Variants in LMCD1 observed in about 807,000 individuals in gnomAD.
The protein encoded by LMCD1 is LIM and cysteine rich domains 1, also known as LIM and cysteine-rich domains protein 1.
Under a neutral mutation model 42.7 loss-of-function variants are expected in LMCD1, and 32 were observed. The observed-to-expected ratio is 0.75, with a 90% CI of 0.57 to 1.01. LMCD1 has a LOEUF of 1.01. Ranked by LOEUF, LMCD1 falls within the 50% of genes least tolerant of loss-of-function variation. The probability of loss-of-function intolerance (pLI) is 0.00; values close to 1 mark genes in which losing one functional copy is unlikely to be tolerated. For missense variants in LMCD1, 458 were observed against 483.1 expected (o/e 0.95, Z 0.49); for synonymous variants, 178 against 184.9 (o/e 0.96, Z 0.30).
intron 1 of LMCD1, among the ~76,000 whole-genome samples, chr3:8,525,876 C>T (rs1694290484): frequency 6.6e-6 from 1 of 152,146 alleles, no homozygotes. Flanking sequence ...GCAAAATTTG[C>T]CTGGAATGCA....
In LMCD1 at chr3:8,568,906, T is replaced by A. The variant is rs1695171748; in HGVS notation, c.*1308T>A. 6.6e-6 allele frequency: 1 copy of A among 152,222 alleles called. No individual in the cohort carries two copies. Among genetic ancestry groups the A allele is most frequent in the African/African-American group, 2.4e-5 (1 of 41,458 alleles). 9.4% of individuals were successfully genotyped at this position (152,222 alleles called of 1,614,324 possible). On this transcript the variant is annotated 3_prime_UTR_variant, in exon 6 of 6. Coordinates refer to ENST00000157600, the MANE Select transcript of LMCD1 (RefSeq NM_014583.4). ...TTTCTTTAACCTCACCATCCAAATT[T>A]CACTCTGACCATCTCGTACCTAGAA...
chr3:8,531,017 G>A (rs185832041), intron 1 of LMCD1, among the ~76,000 whole-genome samples: 2 of 152,324 alleles, frequency 1.3e-5, no homozygotes, highest in Non-Finnish European at 2.9e-5. Flanking sequence ...GGTGTACACA[G>A]CAGTCACCAA....
At chr3:8,527,861 C>T (rs999753322) in intron 1 of LMCD1, among the ~76,000 whole-genome samples, 1 of 151,974 alleles carries the variant, frequency 6.6e-6, no homozygotes. Context: ...TGAGGGAACC[C>T]GTATGATATT....
intron 4 of LMCD1, among the ~76,000 whole-genome samples, chr3:8,562,295 G>A (rs1252310069): frequency 6.6e-6 from 1 of 152,218 alleles, no homozygotes; most frequent in Non-Finnish European, 1.5e-5. Flanking sequence ...GAGAGGCCCT[G>A]TAGGGAAGCT....
At position 8,571,166 on chromosome 3, in the gene LMCD1, G is replaced by C. The variant is rs996804893; in HGVS notation, c.*3568G>C. 6.6e-6 allele frequency: 1 copy of C among 152,060 alleles called. No individual in the cohort carries two copies. Among genetic ancestry groups the C allele is most frequent in the African/African-American group, 2.4e-5 (1 of 41,404 alleles). The allele number at this position is 152,060 out of a possible 1,614,324, so 9.4% of individuals were successfully genotyped here. On this transcript the variant is annotated 3_prime_UTR_variant, in exon 6 of 6. Transcript: ENST00000157600. ...TGTTTTAGGTGCCCTTTATCTGTAA[G>C]TTCATAATATCCCAGGCTTACAGTA...
Position 8,569,679 on chromosome 3 carries a change from G to A in LMCD1, c.*2081G>A, listed in dbSNP as rs1695182441. 1 of 152,252 alleles carries A rather than the reference G, an allele frequency of 6.6e-6. No individual in the cohort carries two copies. The highest frequency in any genetic ancestry group is 2.1e-4 in the South Asian group (1 of 4,828). The allele number at this position is 152,252 out of a possible 1,614,324, so 9.4% of individuals were successfully genotyped here. A position where few individuals can be genotyped will look rare whatever the true frequency, so the allele number is the denominator to read the frequency against. Reference sequence around the variant, plus strand: ...TCGAGAGAGGTGCCCCTGGGAAAGTGATGCTTGAACTGGGCTGTAAAGGAT... The same window carrying A: ...TCGAGAGAGGTGCCCCTGGGAAAGTAATGCTTGAACTGGGCTGTAAAGGAT... On this transcript the variant is annotated 3_prime_UTR_variant, in exon 6 of 6. Coordinates refer to ENST00000157600, the MANE Select transcript of LMCD1 (RefSeq NM_014583.4).
chr3:8,511,812 G>A (rs1161737563), intron 1 of LMCD1, among the ~76,000 whole-genome samples: 1 of 152,108 alleles, frequency 6.6e-6, no homozygotes, highest in Non-Finnish European at 1.5e-5. Context: ...ACCCACTGGG[G>A]TGGCAGGATA....
intron 4 of LMCD1, among the ~76,000 whole-genome samples, chr3:8,555,383 C>T (rs1193105828): frequency 6.6e-6 from 1 of 152,134 alleles, no homozygotes; most frequent in East Asian, 1.9e-4. Context: ...TTGAAACTGC[C>T]ACTCCTCCCC....
At chr3:8,543,424 TAGATAGATAGATAGATAGAC>T (rs879725094) in intron 3 of LMCD1, among the ~76,000 whole-genome samples, 4,673 of 124,006 alleles carry the variant, frequency 0.038, 101 homozygotes, top group South Asian at 0.081. Context: ...GATAGATAGA[TAGATAGATAGATAGATAGAC>T]AGACAGACAG....
chr3:8,549,450 C>A (rs1694800071), intron 4 of LMCD1, among the ~76,000 whole-genome samples: 1 of 152,096 alleles, frequency 6.6e-6, no homozygotes, highest in Non-Finnish European at 1.5e-5. Flanking sequence ...TCCATCCATC[C>A]ATTCATCAGT....
At chr3:8,553,311 C>T (rs73022309) in intron 4 of LMCD1, among the ~76,000 whole-genome samples, 12,817 of 152,272 alleles carry the variant, frequency 0.084, 644 homozygotes, top group South Asian at 0.21. Context: ...CCTATTGGAG[C>T]AATGGCAGGG....
intron 4 of LMCD1, among the ~76,000 whole-genome samples, chr3:8,554,231 C>T (rs1288013610): frequency 6.6e-6 from 1 of 152,100 alleles, no homozygotes; most frequent in African/African-American, 2.4e-5. Flanking sequence ...TTGTGATACC[C>T]ATTTCGCAGA....
In LMCD1 at chr3:8,522,959, G is replaced by T. The variant is rs1458434204; in HGVS notation, c.43-9778G>T. On this transcript the variant is annotated intron_variant, in intron 1 of 5. Transcript: ENST00000157600. ...CATCTGACTCTTCCAACTACAACCA[G>T]TCCACGGGATAAATTTAACACACAC... is the stretch of plus-strand genomic sequence containing the variant. Among the ~76,000 whole-genome samples the T allele has an allele frequency of 6.6e-5, 10 of 152,182 alleles. No individual in the cohort carries two copies. The South Asian group carries it at 2.1e-3, about 32-fold the overall frequency.
intron 1 of LMCD1, among the ~76,000 whole-genome samples, chr3:8,505,824 C>T (rs796476336): frequency 1.4e-4 from 22 of 152,324 alleles, no homozygotes; most frequent in African/African-American, 5.3e-4. Context: ...TTCACCTCCA[C>T]TTCCTGCAGT....
intron 2 of LMCD1, among the ~76,000 whole-genome samples, chr3:8,535,059 G>A (rs1056673917): frequency 2.0e-5 from 3 of 152,108 alleles, no homozygotes; most frequent in Non-Finnish European, 4.4e-5. Flanking sequence ...GGAAAGTATT[G>A]GGGAGGTCAG....
rs752152468 is a variant in LMCD1, at chr3:8,537,176, C to T, written c.132-9C>T. On this transcript the variant is annotated splice_polypyrimidine_tract_variant and intron_variant, in intron 2 of 5. Transcript: ENST00000157600. ...TTAATCTCACTGGTCCCCATCCACC[C>T]ACCCCCAGGAAAATATGCAAGTCTT... 8 of 1,612,440 alleles carry T rather than the reference C, an allele frequency of 5.0e-6. No homozygotes were observed. In the African/African-American group the frequency reaches 6.7e-5, roughly 13 times the overall value.
intron 3 of LMCD1, among the ~76,000 whole-genome samples, chr3:8,545,695 C>G (rs1694721850): frequency 6.6e-6 from 1 of 152,176 alleles, no homozygotes; most frequent in African/African-American, 2.4e-5. Context: ...GAGATCTTGA[C>G]TGGGGCTTGG....
chr3:8,530,065 C>A (rs1048486152), intron 1 of LMCD1, among the ~76,000 whole-genome samples: 6 of 152,334 alleles, frequency 3.9e-5, no homozygotes, highest in African/African-American at 1.2e-4. Flanking sequence ...GTCTCCAAAC[C>A]CGAAACAGTT....
intron 4 of LMCD1, among the ~76,000 whole-genome samples, chr3:8,561,184 T>TA (rs1207394336): frequency 6.6e-6 from 1 of 152,240 alleles, no homozygotes; most frequent in African/African-American, 2.4e-5. Flanking sequence ...AGTTGATACT[T>TA]ACTAAGTTTA....
Sources: gnomAD v4.1 joint callset for allele counts (sites outside exome capture counted in the v4.1 genomes callset) on GRCh38, gnomAD v4.1.1 for gene constraint, MANE v1.5 for transcripts, NCBI Gene and HGNC (gene_info 2026-07-23, HGNC 2026-07-21) for gene names.